Variants in CDKAL1 observed in about 807,000 individuals in gnomAD.
CDKAL1 encodes the protein CDKAL1 threonylcarbamoyladenosine tRNA methylthiotransferase, also known as threonylcarbamoyladenosine tRNA methylthiotransferase.
Under a neutral mutation model 68.2 loss-of-function variants are expected in CDKAL1, and 32 were observed. That is an observed-to-expected ratio of 0.47 (90% confidence interval 0.35 to 0.63). CDKAL1 has a LOEUF of 0.63. Ranked by LOEUF, CDKAL1 falls within the 30% of genes least tolerant of loss-of-function variation. The pLI is 0.00. For synonymous variants in CDKAL1, 234 were observed against 244.3 expected (o/e 0.96, Z 0.39); for missense variants, 606 against 696.7 (o/e 0.87, Z 1.47).
intron 4 of CDKAL1, among the ~76,000 whole-genome samples, chr6:20,568,014 C>T (rs1226511689): frequency 6.6e-6 from 1 of 151,990 alleles, no homozygotes; most frequent in African/African-American, 2.4e-5. Flanking sequence ...TAGCTGGGAC[C>T]ACAGGCGCCT....
At chr6:21,108,832 T>C (rs745500010) in intron 13 of CDKAL1, among the ~76,000 whole-genome samples, 43 of 152,190 alleles carry the variant, frequency 2.8e-4, no homozygotes, top group Non-Finnish European at 5.1e-4. Flanking sequence ...CAAAACTTGA[T>C]TCTTCATTCC....
intron 11 of CDKAL1, among the ~76,000 whole-genome samples, chr6:21,047,921 A>G (rs933517445): frequency 5.3e-5 from 8 of 152,192 alleles, no homozygotes; most frequent in African/African-American, 1.9e-4. Flanking sequence ...GGATTGTACA[A>G]TGGGATTGTT....
chr6:20,989,104 C>G (rs1274415975), intron 10 of CDKAL1, among the ~76,000 whole-genome samples: 2 of 151,988 alleles, frequency 1.3e-5, no homozygotes, highest in Non-Finnish European at 2.9e-5. Context: ...AGAATACTTA[C>G]TGGCAAACAG....
intron 13 of CDKAL1, among the ~76,000 whole-genome samples, chr6:21,114,852 C>T (rs1175632159): frequency 6.6e-6 from 1 of 152,062 alleles, no homozygotes; most frequent in Non-Finnish European, 1.5e-5. Flanking sequence ...ATTAAATATA[C>T]AAAAAATATT....
At chr6:20,580,884 G>C (rs951363265) in intron 4 of CDKAL1, among the ~76,000 whole-genome samples, 1 of 151,854 alleles carries the variant, frequency 6.6e-6, no homozygotes, top group African/African-American at 2.4e-5. Flanking sequence ...CCATCTCCTG[G>C]GTTCAAGCGA....
intron 5 of CDKAL1, among the ~76,000 whole-genome samples, chr6:20,702,183 T>C (rs988529748): frequency 6.6e-6 from 1 of 152,326 alleles, no homozygotes; most frequent in Admixed American, 6.5e-5. Context: ...TGTGGCTCAC[T>C]TCTTCAGTCT....
At position 20,784,004 on chromosome 6, in the gene CDKAL1, G is replaced by A. The variant is rs559164261; in HGVS notation, c.638+2739G>A. Among the ~76,000 whole-genome samples the A allele has an allele frequency of 4.7e-4, 71 of 152,214 alleles. 1 individual carries two copies. The South Asian group carries it at 6.2e-3, about 13-fold the overall frequency. On this transcript the variant is annotated intron_variant, in intron 8 of 15. Coordinates refer to ENST00000274695, the MANE Select transcript of CDKAL1 (RefSeq NM_017774.3). ...CCAAGGTGGATGGATCATGAGGGCAGGAGATTGAGACCATCCTGGCCAACA... is the reference window on the plus strand; with the variant it reads ...CCAAGGTGGATGGATCATGAGGGCAAGAGATTGAGACCATCCTGGCCAACA...
At chr6:20,670,538 T>C (rs1473577014) in intron 5 of CDKAL1, among the ~76,000 whole-genome samples, 1 of 152,210 alleles carries the variant, frequency 6.6e-6, no homozygotes, top group Non-Finnish European at 1.5e-5. Flanking sequence ...TATTTATTTA[T>C]TTTTTGTACA....
chr6:20,588,186 T>C (rs1020338599), intron 4 of CDKAL1, among the ~76,000 whole-genome samples: 2 of 152,218 alleles, frequency 1.3e-5, no homozygotes, highest in Non-Finnish European at 2.9e-5. Context: ...TTAATACTTG[T>C]TAATATCCAG....
At chr6:20,936,241 A>ATTTTTTT (rs33911838) in intron 9 of CDKAL1, among the ~76,000 whole-genome samples, 2 of 68,800 alleles carry the variant, frequency 2.9e-5, no homozygotes, top group South Asian at 7.1e-4. Context: ...GTGTCTCATA[A>ATTTTTTT]TTTTTTTTTT....
chr6:20,641,371 C>T (rs749130399), intron 4 of CDKAL1, among the ~76,000 whole-genome samples: 1 of 152,020 alleles, frequency 6.6e-6, no homozygotes, highest in African/African-American at 2.4e-5. Context: ...ATTCATGTGT[C>T]CCTTCTCAGG....
intron 5 of CDKAL1, among the ~76,000 whole-genome samples, chr6:20,672,261 T>G (rs1242504234): frequency 7.4e-6 from 1 of 134,904 alleles, no homozygotes; most frequent in Non-Finnish European, 1.6e-5. Context: ...TTTCTTTCTT[T>G]CTTTTTCTTT....
chr6:20,713,355 C>T (rs1771936973), intron 5 of CDKAL1, among the ~76,000 whole-genome samples: 1 of 152,070 alleles, frequency 6.6e-6, no homozygotes, highest in Non-Finnish European at 1.5e-5. Context: ...TGTTTTGTTT[C>T]TCTTTAAATA....
intron 15 of CDKAL1, among the ~76,000 whole-genome samples, chr6:21,213,753 A>T (rs1217948326): frequency 6.6e-6 from 1 of 152,182 alleles, no homozygotes; most frequent in Non-Finnish European, 1.5e-5. Context: ...CCCTGTTTCT[A>T]CCCTGAATAT....
Position 20,546,357 on chromosome 6 carries a change from T to A in CDKAL1, c.7T>A (p.Ser3Thr). ...CTTTTATGTGGTAGAGAATATGCCTTCTGCATCCTGTGATACACTACTGGA... is the reference window on the plus strand; with the variant it reads ...CTTTTATGTGGTAGAGAATATGCCTACTGCATCCTGTGATACACTACTGGA... MPSASCDTLLDDI... is the reference protein window; with the variant it reads MPTASCDTLLDDI... Residue 3 changes from serine to threonine, a missense_variant, in exon 3 of 16, where the codon TCT becomes ACT. Transcript: ENST00000274695. 1 of 1,611,176 alleles carries A rather than the reference T, an allele frequency of 6.2e-7. No homozygotes were observed. Among genetic ancestry groups the A allele is most frequent in the Non-Finnish European group, 8.5e-7 (1 of 1,178,216 alleles).
intron 9 of CDKAL1, among the ~76,000 whole-genome samples, chr6:20,859,490 A>G (rs1216925657): frequency 1.3e-5 from 2 of 152,200 alleles, no homozygotes; most frequent in Admixed American, 1.3e-4. Flanking sequence ...GCTGAGGAAC[A>G]TGAAGCCTAC....
At chr6:20,966,060 A>G (rs1765295371) in intron 10 of CDKAL1, among the ~76,000 whole-genome samples, 1 of 152,202 alleles carries the variant, frequency 6.6e-6, no homozygotes, top group African/African-American at 2.4e-5. Context: ...TACATCAGGT[A>G]GGTAATGGAA....
chr6:21,193,119 G>T (rs1290906886), intron 13 of CDKAL1, among the ~76,000 whole-genome samples: 5 of 152,098 alleles, frequency 3.3e-5, no homozygotes, highest in Admixed American at 3.3e-4. Context: ...ACCACACCCA[G>T]CCAAGCTTTG....
chr6:20,795,125 A>T (rs747629026), intron 8 of CDKAL1, among the ~76,000 whole-genome samples: 1 of 152,054 alleles, frequency 6.6e-6, no homozygotes, highest in Admixed American at 6.6e-5. Flanking sequence ...TACCTTTCCC[A>T]TCCACACTTC....
Sources: allele counts gnomAD v4.1 joint callset (sites outside exome capture counted in the v4.1 genomes callset), GRCh38; gene constraint gnomAD v4.1.1; transcripts MANE v1.5; gene names NCBI Gene and HGNC (gene_info 2026-07-23, HGNC 2026-07-21).